The following AZIN2 variants were observed in gnomAD, a reference collection of about 807,000 sequenced individuals.
The protein encoded by AZIN2 is ODC antizyme inhibitor-2.
In AZIN2, 28 loss-of-function variants were observed where a neutral mutation model predicts 47.8. That is an observed-to-expected ratio of 0.59 (90% CI 0.43 to 0.80). The LOEUF (loss-of-function observed/expected upper bound fraction) is 0.80. Ranked by LOEUF, AZIN2 falls within the 30% of genes least tolerant of loss-of-function variation. The probability of loss-of-function intolerance (pLI) is 0.00; values close to 1 mark genes in which losing one functional copy is unlikely to be tolerated. For synonymous variants in AZIN2, 221 were observed against 239.4 expected, an observed-to-expected ratio of 0.92 and a Z score of 0.71; for missense variants, 535 against 582.5, an observed-to-expected ratio of 0.92 and a Z score of 0.84.
the AZIN2 span, chr1:33,159,537 C>G: frequency 8.4e-7 from 1 of 1,185,300 alleles, no homozygotes. This position sits in a 1 kb window ranked among gnomAD's most constrained non-coding sequence, Gnocchi z 4.2. Flanking sequence ...GCTTCATGCT[C>G]CTACCCATAG....
At chr1:33,147,439 A>G in the AZIN2 span, 2 of 1,613,964 alleles carry the variant, frequency 1.2e-6, no homozygotes, top group Non-Finnish European at 1.7e-6. This position sits in a 1 kb window ranked among gnomAD's most constrained non-coding sequence, Gnocchi z 8.1. Flanking sequence ...GTGCATCACG[A>G]TGCAGTAGAA....
intron 11 of AZIN2, chr1:33,118,361 C>G: frequency 2.5e-6 from 1 of 397,832 alleles, no homozygotes; most frequent in Non-Finnish European, 4.4e-6. Flanking sequence ...TAATACTGTG[C>G]CTGGTGGAAG....
intron 10 of AZIN2, among the ~76,000 whole-genome samples, chr1:33,111,584 T>G (rs182807694): frequency 6.6e-6 from 1 of 151,872 alleles, no homozygotes; most frequent in East Asian, 1.9e-4. Flanking sequence ...TGATAAGAGA[T>G]TAGTAGACAA....
chr1:33,106,806 T>G (rs1314359390), intron 10 of AZIN2, among the ~76,000 whole-genome samples: 1 of 152,204 alleles, frequency 6.6e-6, no homozygotes, highest in Non-Finnish European at 1.5e-5. Context: ...TCACAGCTAA[T>G]GTTATACTCA....
At chr1:33,129,430 G>A in the AZIN2 span, among the ~76,000 whole-genome samples, 1 of 152,110 alleles carries the variant, frequency 6.6e-6, no homozygotes, top group South Asian at 2.1e-4. This position sits in a 1 kb window ranked among gnomAD's most constrained non-coding sequence, Gnocchi z 4.1. Context: ...CTGTCTTTGG[G>A]TCCTGTGGTT....
At chr1:33,114,798 A>G (rs994012313) in intron 10 of AZIN2, among the ~76,000 whole-genome samples, 32 of 151,002 alleles carry the variant, frequency 2.1e-4, no homozygotes, top group African/African-American at 6.3e-4. Context: ...CTGGGATTAC[A>G]CGCCCAGCTA....
intron 10 of AZIN2, among the ~76,000 whole-genome samples, chr1:33,106,047 A>T (rs549694659): frequency 2.8e-4 from 42 of 152,336 alleles, no homozygotes; most frequent in Middle Eastern, 6.8e-3. Context: ...AAGACAGAAG[A>T]CTCAAATAAA....
intron 10 of AZIN2, 65 bp from the exon 11 acceptor site, chr1:33,117,837 G>C: frequency 6.4e-7 from 1 of 1,567,698 alleles, no homozygotes; most frequent in South Asian, 1.1e-5. Context: ...AGGCTTTTGA[G>C]GGAGGGAGTG....
the AZIN2 span, among the ~76,000 whole-genome samples, chr1:33,141,105 C>T: frequency 8.0e-4 from 122 of 152,146 alleles, 1 homozygote; most frequent in East Asian, 0.015. Context: ...TGTTGGGGCC[C>T]GTGATGCTGA....
chr1:33,125,791 A>G (rs1644852392), downstream of AZIN2, among the ~76,000 whole-genome samples: 1 of 152,010 alleles, frequency 6.6e-6, no homozygotes, highest in Admixed American at 6.6e-5. Context: ...TACAACCCCA[A>G]ATCTCTGCAT....
chr1:33,102,867 T>TAA (rs1643810012), intron 10 of AZIN2, among the ~76,000 whole-genome samples: 1 of 152,204 alleles, frequency 6.6e-6, no homozygotes, highest in South Asian at 2.1e-4. Flanking sequence ...ACTGAACTCT[T>TAA]GATTTCCAAC....
chr1:33,112,699 G>A (rs1316836978), intron 10 of AZIN2, among the ~76,000 whole-genome samples: 2 of 152,024 alleles, frequency 1.3e-5, no homozygotes, highest in Non-Finnish European at 2.9e-5. Flanking sequence ...ATTGTCATTC[G>A]TTATATCTTA....
At chr1:33,146,866 A>G in the AZIN2 span, 2 of 381,458 alleles carry the variant, frequency 5.2e-6, no homozygotes, top group Non-Finnish European at 9.7e-6. Flanking sequence ...AGACACTGGA[A>G]GGTAGTCCCC....
chr1:33,147,593 C>T, the AZIN2 span: 1 of 1,613,854 alleles, frequency 6.2e-7, no homozygotes. The surrounding 1 kb of genome is among the most constrained non-coding windows in gnomAD (Gnocchi z 8.1). Flanking sequence ...AGCACCGACA[C>T]CTCCACATCG....
chr1:33,145,700 C>T, the AZIN2 span: 2 of 357,204 alleles, frequency 5.6e-6, no homozygotes, highest in Non-Finnish European at 1.1e-5. Context: ...TAGGCTCAGT[C>T]TTGCAGCCCA....
At chr1:33,145,135 C>G in the AZIN2 span, among the ~76,000 whole-genome samples, 1 of 152,204 alleles carries the variant, frequency 6.6e-6, no homozygotes, top group Non-Finnish European at 1.5e-5. Context: ...ACTACCACCA[C>G]CTCTCCTCCA....
At chr1:33,104,922 C>T (rs748360718) in intron 10 of AZIN2, among the ~76,000 whole-genome samples, 19 of 152,130 alleles carry the variant, frequency 1.2e-4, no homozygotes, top group Non-Finnish European at 1.0e-4. Flanking sequence ...TGGTCTTGAG[C>T]TCCTTGTTTT....
intron 4 of AZIN2, chr1:33,083,485 G>A (rs1295113276): frequency 1.2e-5 from 3 of 243,630 alleles, no homozygotes; most frequent in African/African-American, 6.6e-5. Flanking sequence ...CATAGCTTCT[G>A]CCTTTAGGGA....
At chr1:33,127,292 G>A (rs535237327), downstream of AZIN2, among the ~76,000 whole-genome samples, 2 of 152,336 alleles carry the variant, frequency 1.3e-5, no homozygotes, top group African/African-American at 4.8e-5. Flanking sequence ...TTGAAGCCAC[G>A]GTCTTCCGGT....
Sources: allele counts gnomAD v4.1 joint callset (sites outside exome capture counted in the v4.1 genomes callset), GRCh38; gene constraint gnomAD v4.1.1; non-coding constraint Gnocchi (gnomAD v3.1); transcripts MANE v1.5; gene names NCBI Gene and HGNC (gene_info 2026-07-23, HGNC 2026-07-21).